The following RFFL variants were observed in gnomAD, a reference collection of about 807,000 sequenced individuals.
RFFL encodes the protein E3 ubiquitin-protein ligase rififylin.
Under a neutral mutation model 40.4 loss-of-function variants are expected in RFFL, and 16 were observed. That is an observed-to-expected ratio of 0.40 (90% CI 0.27 to 0.60). The LOEUF (loss-of-function observed/expected upper bound fraction) is 0.60. Ranked by LOEUF, RFFL falls within the 20% of genes least tolerant of loss-of-function variation. RFFL has a pLI of 0.47. For synonymous variants in RFFL, 154 were observed against 167.9 expected (o/e 0.92, Z 0.64); for missense variants, 367 against 451.7 (o/e 0.81, Z 1.70).
intron 1 of RFFL, among the ~76,000 whole-genome samples, chr17:35,053,026 C>T (rs1597832342): frequency 6.6e-6 from 1 of 152,102 alleles, no homozygotes; most frequent in Non-Finnish European, 1.5e-5. Context: ...CTGGCAATAG[C>T]TAGTGATCCA....
intron 1 of RFFL, among the ~76,000 whole-genome samples, chr17:35,052,823 C>T (rs990757451): frequency 3.3e-5 from 5 of 152,230 alleles, no homozygotes; most frequent in Middle Eastern, 6.8e-3. Context: ...TAATAGATGG[C>T]AGAAAGTGTA....
intron 1 of RFFL, among the ~76,000 whole-genome samples, chr17:35,071,907 G>A (rs529501582): frequency 3.2e-4 from 48 of 152,238 alleles, no homozygotes; most frequent in African/African-American, 1.1e-3. Flanking sequence ...ACAATAACTT[G>A]GATGGATGGT....
chr17:35,068,445 A>G (rs1339401745), upstream of RFFL, among the ~76,000 whole-genome samples: 2 of 152,222 alleles, frequency 1.3e-5, no homozygotes, highest in Non-Finnish European at 2.9e-5. Flanking sequence ...TTAACAAGCC[A>G]CTTTCACATT....
chr17:35,050,163 T>C (rs1184210619), intron 1 of RFFL, among the ~76,000 whole-genome samples: 2 of 151,780 alleles, frequency 1.3e-5, no homozygotes, highest in East Asian at 3.9e-4. Context: ...GGAGGATCAC[T>C]TGAGCCTGGG....
chr17:35,037,790 C>G, intron 1 of RFFL, among the ~76,000 whole-genome samples: 1 of 152,260 alleles, frequency 6.6e-6, no homozygotes, highest in South Asian at 2.1e-4. Context: ...AATCTGTCTA[C>G]CCTGTGGCCC....
intron 1 of RFFL, among the ~76,000 whole-genome samples, chr17:35,083,831 T>G (rs56152522): frequency 0.074 from 11,297 of 151,816 alleles, 556 homozygotes; most frequent in South Asian, 0.11. Context: ...AACCCCAATT[T>G]TCAAAGTTCC....
intron 1 of RFFL, among the ~76,000 whole-genome samples, chr17:35,087,868 G>A (rs899041767): frequency 1.3e-5 from 2 of 152,146 alleles, no homozygotes; most frequent in South Asian, 4.1e-4. Flanking sequence ...CAGAGAAAAG[G>A]ATAAAGAAGT....
chr17:35,011,907 C>A lies in RFFL; in HGVS notation c.*61G>T. The A allele has an allele frequency of 1.3e-6, 2 of 1,552,216 alleles. No homozygotes were observed. The highest frequency in any genetic ancestry group is 1.2e-5 in the South Asian group (1 of 84,988). On this transcript the variant is annotated 3_prime_UTR_variant, in exon 7 of 7. Coordinates refer to ENST00000394597, the MANE Select transcript of RFFL (RefSeq NM_001017368.2). Reference sequence around the variant, plus strand: ...CTTGCTCCTCTGCAAGCTGGCCAACCCTGAGCCCAGACACCCCAGGCTATT... The same window carrying A: ...CTTGCTCCTCTGCAAGCTGGCCAACACTGAGCCCAGACACCCCAGGCTATT...
intron 5 of RFFL, 113 bp downstream of exon 5, chr17:35,016,257 G>A: frequency 1.1e-6 from 1 of 906,554 alleles, no homozygotes; most frequent in Non-Finnish European, 1.8e-6. Context: ...TATGTAAGGT[G>A]TCTCCTTCCA....
chr17:35,035,604 G>A (rs932718534), intron 1 of RFFL, among the ~76,000 whole-genome samples: 2 of 150,904 alleles, frequency 1.3e-5, no homozygotes, highest in East Asian at 1.9e-4. Context: ...AAAGTCAGCC[G>A]ACTAGGCTTT....
intron 1 of RFFL, among the ~76,000 whole-genome samples, chr17:35,055,715 C>T (rs2339123): frequency 0.37 from 55,125 of 149,640 alleles, 11,745 homozygotes; most frequent in Non-Finnish European, 0.47. Context: ...AAACATTAAT[C>T]AGGCTGGATT....
At chr17:35,036,208 C>T (rs2091121238) in intron 1 of RFFL, 1 of 152,114 alleles carries the variant, frequency 6.6e-6, no homozygotes, top group African/African-American at 2.4e-5. Context: ...CATTCCTCAT[C>T]CCTAAATAGA....
upstream of RFFL, among the ~76,000 whole-genome samples, chr17:35,066,918 T>A (rs532046331): frequency 6.6e-6 from 1 of 151,954 alleles, no homozygotes; most frequent in Admixed American, 6.6e-5. Context: ...AAAAACAATA[T>A]GATGGCAACC....
At chr17:35,082,940 C>G (rs1453270609) in intron 1 of RFFL, among the ~76,000 whole-genome samples, 1 of 152,132 alleles carries the variant, frequency 6.6e-6, no homozygotes. Flanking sequence ...TTAGGGATAA[C>G]GTATCTAGTG....
At chr17:35,048,178 G>A (rs1410458888) in intron 1 of RFFL, among the ~76,000 whole-genome samples, 7 of 151,890 alleles carry the variant, frequency 4.6e-5, no homozygotes, top group South Asian at 2.1e-4. Context: ...CGAGGTGGGC[G>A]GATCGTGAGG....
intron 1 of RFFL, among the ~76,000 whole-genome samples, chr17:35,082,066 T>C (rs571418927): frequency 3.9e-5 from 6 of 152,216 alleles, no homozygotes; most frequent in Non-Finnish European, 8.8e-5. Flanking sequence ...CACTGTGATT[T>C]ACATATGCTG....
At chr17:35,037,306 G>A (rs1165824796) in intron 1 of RFFL, among the ~76,000 whole-genome samples, 2 of 152,146 alleles carry the variant, frequency 1.3e-5, no homozygotes, top group Non-Finnish European at 2.9e-5. Flanking sequence ...CATCTATGTT[G>A]TTAGTGCATA....
intron 1 of RFFL, among the ~76,000 whole-genome samples, chr17:35,075,986 C>CT (rs35996071): frequency 0.14 from 11,111 of 80,086 alleles, 1,681 homozygotes; most frequent in African/African-American, 0.35. Flanking sequence ...TCAATTTATT[C>CT]TTTTTTTTTT....
At chr17:35,055,745 C>A (rs1288127323) in intron 1 of RFFL, among the ~76,000 whole-genome samples, 1 of 151,216 alleles carries the variant, frequency 6.6e-6, no homozygotes, top group Non-Finnish European at 1.5e-5. Context: ...TTCCTTGTAA[C>A]TGAAAGTCAC....
Sources: gnomAD v4.1 joint callset for allele counts (sites outside exome capture counted in the v4.1 genomes callset) on GRCh38, gnomAD v4.1.1 for gene constraint, MANE v1.5 for transcripts, NCBI Gene and HGNC (gene_info 2026-07-23, HGNC 2026-07-21) for gene names.